The following FMO5 variants were observed in gnomAD, a reference collection of about 807,000 sequenced individuals.
The protein encoded by FMO5 is flavin containing dimethylaniline monoxygenase 5.
FMO5 carries 51 observed loss-of-function variants against 43.6 expected under a neutral mutation model. The observed-to-expected ratio is 1.17, with a 90% CI of 0.93 to 1.48. The LOEUF is 1.48. FMO5 is among the 40% of genes most tolerant of loss of function. The pLI, the probability that FMO5 is intolerant of heterozygous loss-of-function variation, is 0.00. For synonymous variants in FMO5, 187 were observed against 216.5 expected (o/e 0.86, Z 1.20); for missense variants, 644 against 643.0 (o/e 1.00, Z -0.02).
In FMO5 at chr1:147,225,300, G is replaced by A. The variant is rs587736943; in HGVS notation, c.-51C>T. 156 of 649,416 alleles carry A rather than the reference G, an allele frequency of 2.4e-4. No individual in the cohort carries two copies. In the African/African-American group the frequency reaches 2.6e-3, roughly 11 times the overall value. The allele number at this position is 649,416 out of a possible 1,614,324, so 40.2% of individuals were successfully genotyped here. A position where few individuals can be genotyped will look rare whatever the true frequency, so the allele number is the denominator to read the frequency against. The stretch of plus-strand genomic sequence containing the variant: ...ACCGGATCTCACCGCCTTTCCTGAA[G>A]CGCTCAACAGATCCTTCAGCTGCGA... On this transcript the variant is annotated 5_prime_UTR_variant, in exon 1 of 9. Transcript: ENST00000254090.
In FMO5 at chr1:147,186,352, CA is replaced by C; in HGVS notation, c.*547del. 1.0e-6 allele frequency: 1 copy of C among 962,088 alleles called. No homozygotes were observed. Among genetic ancestry groups the C allele is most frequent in the Non-Finnish European group, 1.2e-6 (1 of 808,842 alleles). 59.6% of individuals were successfully genotyped at this position (962,088 alleles called of 1,614,324 possible). On this transcript the variant is annotated 3_prime_UTR_variant, in exon 9 of 9. Transcript: ENST00000254090. ...ATGTTTCAAGTACACTAGTGAATAG[CA>C]AGTGAAACAAAATGTCTTAAGCATC...
rs1240875000 is a variant in FMO5 at position 147,186,533 on chromosome 1, G to A, written c.*367C>T. On this transcript the variant is annotated 3_prime_UTR_variant, in exon 9 of 9. Coordinates refer to ENST00000254090, the MANE Select transcript of FMO5 (RefSeq NM_001461.4). ...AGAAGAAGAGTTACGTGGAGTAAGC[G>A]ATTTTATACCGATGCTGACTTACTC... 7.0e-6 allele frequency: 7 copies of A among 1,000,532 alleles called. No individual in the cohort carries two copies. Among genetic ancestry groups the A allele is most frequent in the Admixed American group, 5.8e-5 (1 of 17,356 alleles). The allele number at this position is 1,000,532 out of a possible 1,614,324, so 62.0% of individuals were successfully genotyped here. A position where few individuals can be genotyped will look rare whatever the true frequency, so the allele number is the denominator to read the frequency against.
At chr1:147,204,137 A>T in intron 6 of FMO5, 1 of 1,067,492 alleles carries the variant, frequency 9.4e-7, no homozygotes, top group Non-Finnish European at 1.5e-6. Context: ...ACTTAAATTC[A>T]TCAATTCTTC....
At chr1:147,224,501 A>T (rs587660716) in intron 2 of FMO5, among the ~76,000 whole-genome samples, 42 of 152,208 alleles carry the variant, frequency 2.8e-4, no homozygotes, top group African/African-American at 9.9e-4. Flanking sequence ...TAATAAGTTT[A>T]ACTATCTTTT....
chr1:147,203,721 C>A, intron 6 of FMO5: 1 of 1,521,726 alleles, frequency 6.6e-7, no homozygotes, highest in Non-Finnish European at 9.1e-7. Context: ...AGACGTTTAT[C>A]CCTTGTAAGA....
At chr1:147,196,032 C>T (rs1429106351) in intron 7 of FMO5, among the ~76,000 whole-genome samples, 2 of 152,154 alleles carry the variant, frequency 1.3e-5, no homozygotes, top group African/African-American at 2.4e-5. Context: ...AATGTTAATA[C>T]ATGACAGCTC....
rs782076021 is a variant in FMO5, at chr1:147,213,305, C to T, written c.487+3G>A. ...GGGTCTTCCTTCCTGGTAAGCTGCTCACCAGGGAAGCTTTCCAGAGGTAGA... is the reference window on the plus strand; with the variant it reads ...GGGTCTTCCTTCCTGGTAAGCTGCTTACCAGGGAAGCTTTCCAGAGGTAGA... On this transcript the variant is annotated splice_donor_region_variant and intron_variant, in intron 4 of 8. Coordinates refer to ENST00000254090, the MANE Select transcript of FMO5 (RefSeq NM_001461.4). 1.3e-5 allele frequency: 21 copies of T among 1,600,518 alleles called. No homozygotes were observed. Among genetic ancestry groups the T allele is most frequent in the Non-Finnish European group, 1.6e-5 (19 of 1,173,016 alleles).
At chr1:147,192,828 A>G (rs587614861) in intron 7 of FMO5, among the ~76,000 whole-genome samples, 2 of 152,262 alleles carry the variant, frequency 1.3e-5, no homozygotes, top group Admixed American at 6.5e-5. Flanking sequence ...TGATTTGTGT[A>G]TGTTGAACCA....
intron 6 of FMO5, chr1:147,203,970 G>A (rs4950386): frequency 0.037 from 45,093 of 1,224,142 alleles, 961 homozygotes; most frequent in African/African-American, 0.071. Flanking sequence ...CAGAGTCTTC[G>A]GACATCCCAT....
At chr1:147,195,529 A>T (rs1657837894) in intron 7 of FMO5, among the ~76,000 whole-genome samples, 1 of 152,182 alleles carries the variant, frequency 6.6e-6, no homozygotes, top group African/African-American at 2.4e-5. Flanking sequence ...GGTTAAGGCC[A>T]AGGGGAACTC....
At chr1:147,226,551 G>A (rs896497377), upstream of FMO5, among the ~76,000 whole-genome samples, 1 of 152,098 alleles carries the variant, frequency 6.6e-6, no homozygotes, top group Non-Finnish European at 1.5e-5. Context: ...CAATATAACA[G>A]ATACAAGATT....
chr1:147,198,547 G>A (rs1249749049), intron 7 of FMO5, among the ~76,000 whole-genome samples: 1 of 152,118 alleles, frequency 6.6e-6, no homozygotes, highest in Admixed American at 6.5e-5. Flanking sequence ...GTATGGTAAA[G>A]ACTAGTGAAA....
chr1:147,212,918 TA>T (rs28381186), intron 4 of FMO5, among the ~76,000 whole-genome samples: 8,465 of 152,064 alleles, frequency 0.056, 262 homozygotes, highest in African/African-American at 0.092. Flanking sequence ...CTTTTTTTTT[TA>T]AAATGAAAAT....
intron 3 of FMO5, 47 bp downstream of exon 3, chr1:147,215,707 A>T: frequency 7.2e-7 from 1 of 1,379,538 alleles, no homozygotes; most frequent in Non-Finnish European, 1.0e-6. Context: ...TTATTCATTT[A>T]CTTGGCAAAC....
intron 2 of FMO5, among the ~76,000 whole-genome samples, chr1:147,221,478 A>AT (rs1352879766): frequency 6.6e-6 from 1 of 152,210 alleles, no homozygotes; most frequent in African/African-American, 2.4e-5. Flanking sequence ...ATATTTTTTA[A>AT]TTAAGGTAAA....
Position 147,208,867 on chromosome 1 carries a change from AG to A in FMO5, c.814del (p.Leu272Ter). ...GGGAACATACCTGTGTTTAGGCTTC[AG>A]GCCAAACATTTCATGGTCAAACCTT... ...NQRFDHEMFGLKPKHRALSQH... is the reference protein window; with the variant it reads ...NQRFDHEMFGXKPKHRALSQH... On this transcript the variant is annotated frameshift_variant, in exon 6 of 9. Transcript: ENST00000254090. LOFTEE classifies it high-confidence loss of function. 1.2e-6 allele frequency: 2 copies of A among 1,614,012 alleles called. No homozygotes were observed. The highest frequency in any genetic ancestry group is 1.7e-6 in the Non-Finnish European group (2 of 1,179,886).
At chr1:147,190,624 T>G (rs1391299221) in intron 7 of FMO5, among the ~76,000 whole-genome samples, 2 of 152,134 alleles carry the variant, frequency 1.3e-5, no homozygotes, top group African/African-American at 4.8e-5. Flanking sequence ...GCTGCACCTG[T>G]ATTCTTGATA....
rs370831088 is a variant in FMO5, at chr1:147,224,991, C to G, written c.39G>C (p.Val13=). The change falls in exon 2 of 9, where the codon GTG becomes GTC. Residue 13 remains valine, a synonymous_variant. Transcript: ENST00000254090. The part of the protein sequence containing the change: ...KKRIAVIGGG[V]SGLSSIKCCV... ...AGCACTTGATGGAAGAGAGCCCGCT[C>G]ACTCCTCCCCCAATCACAGCAATTC... is the stretch of plus-strand genomic sequence containing the variant. The G allele has an allele frequency of 2.4e-4, 388 of 1,614,084 alleles. No homozygotes were observed. Among genetic ancestry groups the G allele is most frequent in the Non-Finnish European group, 3.0e-4 (352 of 1,180,010 alleles).
intron 7 of FMO5, among the ~76,000 whole-genome samples, chr1:147,192,416 G>A (rs1486511934): frequency 6.6e-6 from 1 of 152,112 alleles, no homozygotes; most frequent in Non-Finnish European, 1.5e-5. Flanking sequence ...TTTGGGCTGA[G>A]ACAATGGGGT....
Sources: allele counts gnomAD v4.1 joint callset (sites outside exome capture counted in the v4.1 genomes callset), GRCh38; gene constraint gnomAD v4.1.1; transcripts MANE v1.5; gene names NCBI Gene and HGNC (gene_info 2026-07-23, HGNC 2026-07-21).